GNB4: variants seen among roughly 807,000 people sequenced by gnomAD.
GNB4 encodes guanine nucleotide-binding protein subunit beta-4.
GNB4 carries 28 observed loss-of-function variants against 45.2 expected under a neutral mutation model. The ratio of observed to expected loss-of-function variants is 0.62; its 90% CI spans 0.46 to 0.85. The LOEUF (loss-of-function observed/expected upper bound fraction) is 0.85, where lower values mean the gene tolerates loss of function less well. GNB4 is among the 40% of genes least tolerant of loss of function. GNB4 has a pLI of 0.00. For missense variants in GNB4, 321 were observed against 425.4 expected, an observed-to-expected ratio of 0.75 and a Z score of 2.16; for synonymous variants, 132 against 143.7, an observed-to-expected ratio of 0.92 and a Z score of 0.58.
At chr3:179,491,503 C>A in the GNB4 span, among the ~76,000 whole-genome samples, 324 of 152,260 alleles carry the variant, frequency 2.1e-3, no homozygotes, top group African/African-American at 7.5e-3. Context: ...CCAGGAATGA[C>A]AAAGACACAA....
Position 179,401,058 on chromosome 3 carries a change from C to CA in GNB4, c.*154_*155insT, listed in dbSNP as rs2108574829. On this transcript the variant is annotated 3_prime_UTR_variant, in exon 10 of 10. Transcript: ENST00000232564. ...CTTTGCCTTTTTTCCTCCACCCCCA[C>CA]TTTTTTTTTGGTAGTTTACTGAAAG... is the stretch of plus-strand genomic sequence containing the variant. The CA allele has an allele frequency of 2.0e-6, 1 of 507,188 alleles. No individual in the cohort carries two copies. The highest frequency in any genetic ancestry group is 3.3e-5 in the East Asian group (1 of 29,986). 31.4% of individuals were successfully genotyped at this position (507,188 alleles called of 1,614,324 possible). A position where few individuals can be genotyped will look rare whatever the true frequency, so the allele number is the denominator to read the frequency against.
chr3:179,441,171 GGTAA>G (rs1161889153), intron 1 of GNB4, among the ~76,000 whole-genome samples: 1 of 152,128 alleles, frequency 6.6e-6, no homozygotes, highest in Non-Finnish European at 1.5e-5. Flanking sequence ...TGGAAAAACA[GGTAA>G]GTAACTATAC....
intron 4 of GNB4, among the ~76,000 whole-genome samples, chr3:179,417,054 A>G (rs2108593416): frequency 6.6e-6 from 1 of 152,348 alleles, no homozygotes; most frequent in Non-Finnish European, 1.5e-5. Flanking sequence ...ATATTAAATC[A>G]AGTAAGTAAA....
chr3:179,409,854 A>G (rs1714599940), intron 8 of GNB4, among the ~76,000 whole-genome samples: 1 of 151,854 alleles, frequency 6.6e-6, no homozygotes, highest in African/African-American at 2.4e-5. Flanking sequence ...CTAGAAAAAG[A>G]AAAGCCAGTG....
At chr3:179,502,465 T>A in the GNB4 span, among the ~76,000 whole-genome samples, 1 of 152,108 alleles carries the variant, frequency 6.6e-6, no homozygotes, top group South Asian at 2.1e-4. Context: ...ACTCCTGACC[T>A]CAAGTGATCT....
At chr3:179,450,605 G>A (rs1715843622) in intron 1 of GNB4, among the ~76,000 whole-genome samples, 1 of 152,156 alleles carries the variant, frequency 6.6e-6, no homozygotes. Flanking sequence ...AACACAAGGA[G>A]ACGAAAAATA....
chr3:179,436,694 A>G (rs1715460269), intron 1 of GNB4, among the ~76,000 whole-genome samples: 1 of 152,238 alleles, frequency 6.6e-6, no homozygotes. Flanking sequence ...TCAGGAAGTT[A>G]GTCAAAACCG....
chr3:179,505,506 A>G, the GNB4 span, among the ~76,000 whole-genome samples: 1 of 152,358 alleles, frequency 6.6e-6, no homozygotes, highest in Admixed American at 6.5e-5. Context: ...ATTTTACCTT[A>G]CGAAATTCAG....
chr3:179,440,880 T>TAGATAGAG (rs1553769655), intron 1 of GNB4, among the ~76,000 whole-genome samples: 11 of 149,032 alleles, frequency 7.4e-5, no homozygotes, highest in African/African-American at 2.7e-4. Flanking sequence ...TATAGATAGA[T>TAGATAGAG]AGAGAGAGAG....
In GNB4 at chr3:179,442,619, CT is replaced by C. The variant is rs548544781; in HGVS notation, c.-43+8726del. ...ATCTCTGTGTTACCAAGCCACAGTC[CT>C]ATGTCACTTTTTTTTTTAAGAGATG... On this transcript the variant is annotated intron_variant, in intron 1 of 9. Coordinates refer to ENST00000232564, the MANE Select transcript of GNB4 (RefSeq NM_021629.4). Among the ~76,000 whole-genome samples, 13 of 151,924 alleles carry C rather than the reference CT, an allele frequency of 8.6e-5. No homozygotes were observed. The East Asian group carries it at 2.1e-3, about 25-fold the overall frequency.
chr3:179,408,989 T>A (rs1253736203), intron 8 of GNB4, among the ~76,000 whole-genome samples: 2 of 145,284 alleles, frequency 1.4e-5, no homozygotes, highest in African/African-American at 5.1e-5. Flanking sequence ...CTGCAAAAAA[T>A]ACACACACGC....
At chr3:179,493,829 T>C in the GNB4 span, among the ~76,000 whole-genome samples, 2 of 152,066 alleles carry the variant, frequency 1.3e-5, no homozygotes, top group South Asian at 4.2e-4. Flanking sequence ...TGTCTTCCTT[T>C]TCTACATACA....
chr3:179,429,906 C>A (rs1715254745), intron 1 of GNB4, among the ~76,000 whole-genome samples: 2 of 152,052 alleles, frequency 1.3e-5, no homozygotes, highest in Admixed American at 1.3e-4. Context: ...AAATTTTGAC[C>A]TTCTCACAAG....
the GNB4 span, among the ~76,000 whole-genome samples, chr3:179,472,320 CAT>C: frequency 6.6e-6 from 1 of 151,040 alleles, no homozygotes; most frequent in South Asian, 2.1e-4. Context: ...ATAATTAACA[CAT>C]ATTTTTTCTT....
chr3:179,486,026 C>T, the GNB4 span, among the ~76,000 whole-genome samples: 6 of 152,038 alleles, frequency 3.9e-5, no homozygotes, highest in South Asian at 2.1e-4. Flanking sequence ...AGTTCAAGAC[C>T]AGCCTGGCCA....
the GNB4 span, among the ~76,000 whole-genome samples, chr3:179,476,800 T>A: frequency 6.6e-6 from 1 of 152,234 alleles, no homozygotes; most frequent in Admixed American, 6.5e-5. Context: ...CACCTGGGCC[T>A]GCTTGAGTTA....
chr3:179,426,158 G>T lies in GNB4; in HGVS notation c.43C>A (p.Arg15=), dbSNP rs765056278. 1.9e-6 allele frequency: 3 copies of T among 1,602,834 alleles called. No individual in the cohort carries two copies. The highest frequency in any genetic ancestry group is 2.2e-5 in the East Asian group (1 of 44,572). The change falls in exon 2 of 10, where the codon CGG becomes AGG. Residue 15 remains arginine (R), a synonymous_variant. Transcript: ENST00000232564. ...EQLRQEAEQL[R]NQIQDARKAC... ...AAAGGTTTTACCTGAATCTGATTCC[G>T]CAGTTGTTCTGCTTCTTGCCTCAAC...
At chr3:179,493,884 A>G in the GNB4 span, among the ~76,000 whole-genome samples, 1 of 152,226 alleles carries the variant, frequency 6.6e-6, no homozygotes, top group Non-Finnish European at 1.5e-5. Context: ...TAGAAAAGGA[A>G]GACATAAGAA....
upstream of GNB4, among the ~76,000 whole-genome samples, chr3:179,455,281 G>A (rs1715961439): frequency 6.6e-6 from 1 of 152,162 alleles, no homozygotes; most frequent in South Asian, 2.1e-4. Flanking sequence ...TCAGGTCCCT[G>A]GAATCAGGGA....
Sources: allele counts gnomAD v4.1 joint callset (sites outside exome capture counted in the v4.1 genomes callset), GRCh38; gene constraint gnomAD v4.1.1; transcripts MANE v1.5; gene names NCBI Gene and HGNC (gene_info 2026-07-23, HGNC 2026-07-21).